The following NMD3 variants were observed in gnomAD, a reference collection of about 807,000 sequenced individuals.
NMD3 encodes the protein 60S ribosomal export protein NMD3.
In NMD3, 47 loss-of-function variants were observed where a neutral mutation model predicts 73.1. That is an observed-to-expected ratio of 0.64 (90% CI 0.51 to 0.82). NMD3 has a LOEUF of 0.82. Among genes scored for constraint, NMD3 ranks in the 40% least tolerant of loss-of-function variants. The probability of loss-of-function intolerance (pLI) is 0.00; values close to 1 mark genes in which losing one functional copy is unlikely to be tolerated. For synonymous variants in NMD3, 210 were observed against 194.5 expected (o/e 1.08, Z -0.66); for missense variants, 554 against 612.5 (o/e 0.90, Z 1.01).
intron 11 of NMD3, among the ~76,000 whole-genome samples, chr3:161,245,821 C>A (rs1249918819): frequency 6.6e-6 from 1 of 151,926 alleles, no homozygotes; most frequent in Non-Finnish European, 1.5e-5. Flanking sequence ...GTAGTCTACA[C>A]TAGTAGATAC....
chr3:161,250,691 G>A, intron 15 of NMD3, 89 bp from the exon 16 acceptor site: 1 of 753,206 alleles, frequency 1.3e-6, no homozygotes, highest in Non-Finnish European at 2.1e-6. Context: ...TAATGATAAG[G>A]TAGATATTTG....
chr3:161,245,633 C>G (rs763698135), intron 11 of NMD3, among the ~76,000 whole-genome samples: 1 of 151,532 alleles, frequency 6.6e-6, no homozygotes, highest in African/African-American at 2.4e-5. Flanking sequence ...ATTTATAACT[C>G]TTAGTATTTT....
In NMD3 at chr3:161,247,309, C is replaced by G. The variant is rs1393448543; in HGVS notation, c.1182C>G (p.Asn394Lys). 2 of 1,610,346 alleles carry G rather than the reference C, an allele frequency of 1.2e-6. No individual in the cohort carries two copies. The highest frequency in any genetic ancestry group is 3.3e-5 in the Admixed American group (2 of 59,966). The change falls in exon 13 of 16, where the codon AAC (asparagine) becomes AAG (lysine). Residue 394 changes from asparagine (N) to lysine (K), a missense_variant. Coordinates refer to ENST00000351193, the MANE Select transcript of NMD3 (RefSeq NM_015938.5). ...ATGATGAGCATGTCAACAAAATGAA[C>G]TCAGATAGAGTTCCAGATGTGGTAA... ...NLNDEHVNKMNSDRVPDVVLI... is the reference protein window; with the variant it reads ...NLNDEHVNKMKSDRVPDVVLI...
At chr3:161,240,526 ATTT>A (rs539406360) in intron 9 of NMD3, among the ~76,000 whole-genome samples, 2 of 111,728 alleles carry the variant, frequency 1.8e-5, no homozygotes, top group African/African-American at 3.8e-5. Flanking sequence ...TGGGCCCTGG[ATTT>A]TTTTTTTTTT....
At chr3:161,231,838 C>G (rs1201143951) in intron 4 of NMD3, among the ~76,000 whole-genome samples, 1 of 151,946 alleles carries the variant, frequency 6.6e-6, no homozygotes, top group Non-Finnish European at 1.5e-5. Flanking sequence ...TGTTGAGCTC[C>G]GGAGGGCACA....
At chr3:161,245,814 G>A (rs1399188294) in intron 11 of NMD3, among the ~76,000 whole-genome samples, 2 of 151,890 alleles carry the variant, frequency 1.3e-5, no homozygotes, top group Non-Finnish European at 2.9e-5. Context: ...AATGATTGTA[G>A]TCTACACTAG....
At chr3:161,235,957 T>C (rs1304563112) in intron 7 of NMD3, among the ~76,000 whole-genome samples, 1 of 152,136 alleles carries the variant, frequency 6.6e-6, no homozygotes, top group Non-Finnish European at 1.5e-5. Flanking sequence ...AAAAAACTAT[T>C]TTTAGTTTTA....
intron 4 of NMD3, among the ~76,000 whole-genome samples, chr3:161,229,130 A>G (rs1478407802): frequency 6.6e-6 from 1 of 152,238 alleles, no homozygotes; most frequent in Non-Finnish European, 1.5e-5. Context: ...GATAGAGTCC[A>G]GAAAAGTCAT....
chr3:161,248,592 T>A (rs549248188), intron 13 of NMD3, among the ~76,000 whole-genome samples: 1 of 152,332 alleles, frequency 6.6e-6, no homozygotes, highest in African/African-American at 2.4e-5. Flanking sequence ...ATTGTTCAGT[T>A]AAGAAGGCAT....
intron 2 of NMD3, among the ~76,000 whole-genome samples, chr3:161,223,664 A>C (rs757218837): frequency 6.6e-6 from 1 of 152,328 alleles, no homozygotes; most frequent in African/African-American, 2.4e-5. Flanking sequence ...CTGTTCACCT[A>C]AGCTATGGTC....
intron 5 of NMD3, among the ~76,000 whole-genome samples, chr3:161,233,799 A>G (rs1736633197): frequency 6.6e-6 from 1 of 152,166 alleles, no homozygotes; most frequent in Non-Finnish European, 1.5e-5. Flanking sequence ...AATTCTCTGT[A>G]TGTGAGGCCG....
intron 11 of NMD3, 116 bp downstream of exon 11, chr3:161,242,769 A>G: frequency 1.2e-6 from 1 of 819,042 alleles, no homozygotes; most frequent in South Asian, 3.0e-5. Flanking sequence ...CAAACTTAGC[A>G]CCACATTAGG....
chr3:161,230,117 G>T (rs1347985962), intron 4 of NMD3, among the ~76,000 whole-genome samples: 1 of 152,094 alleles, frequency 6.6e-6, no homozygotes, highest in Non-Finnish European at 1.5e-5. Flanking sequence ...TTATTTTTTG[G>T]AGATAAGGTC....
rs1312022708 is a variant in NMD3 at position 161,227,255 on chromosome 3, A to G, written c.188A>G (p.Gln63Arg). The G allele has an allele frequency of 2.5e-6, 4 of 1,600,924 alleles. No homozygotes were observed. The East Asian group carries it at 8.9e-5, about 36-fold the overall frequency. Residue 63 changes from glutamine (Q) to arginine (R), a missense_variant, in exon 4 of 16, where the codon CAA becomes CGA. Physicochemically the swap from Gln to Arg is conservative, Grantham distance 43. Transcript: ENST00000351193. ...GTTATCTTCTCTTTTAGGTATTTTC[A>G]ACCACCAGGAACTTGGATACAGTGT... ...SFCKQCQRYF[Q>R]PPGTWIQCAL... is the part of the protein sequence containing the mutation.
intron 13 of NMD3, among the ~76,000 whole-genome samples, chr3:161,247,574 G>C (rs943972783): frequency 6.6e-6 from 1 of 151,614 alleles, no homozygotes; most frequent in Non-Finnish European, 1.5e-5. Flanking sequence ...ATCACCTGAG[G>C]TTGGGAGTTC....
In NMD3 at chr3:161,252,184, G is replaced by C. The variant is rs1428837697; in HGVS notation, c.*1274G>C. ...GGCCTGGTAGGAATGGCTTGTCCTA[G>C]TTCTTCAAAGGTAAGATTGACCAAA... is the stretch of plus-strand genomic sequence containing the variant. On this transcript the variant is annotated 3_prime_UTR_variant, in exon 16 of 16. Transcript: ENST00000351193. 1.3e-5 allele frequency: 2 copies of C among 152,128 alleles called. No individual in the cohort carries two copies. The highest frequency in any genetic ancestry group is 4.2e-4 in the South Asian group (2 of 4,818). The allele number at this position is 152,128 out of a possible 1,614,324, so 9.4% of individuals were successfully genotyped here. A position where few individuals can be genotyped will look rare whatever the true frequency, so the allele number is the denominator to read the frequency against.
intron 13 of NMD3, 68 bp from the exon 14 acceptor site, chr3:161,249,386 T>G (rs1406387836): frequency 5.2e-6 from 5 of 956,022 alleles, no homozygotes; most frequent in African/African-American, 1.7e-5. Flanking sequence ...TTTTTTAGCT[T>G]TATTGAATTT....
chr3:161,238,546 T>G (rs1736855755), intron 8 of NMD3, among the ~76,000 whole-genome samples, 184 bp from the exon 9 acceptor site: 2 of 152,148 alleles, frequency 1.3e-5, no homozygotes, highest in Non-Finnish European at 2.9e-5. Context: ...TAGGTAGGGC[T>G]TAGTTAGAAT....
chr3:161,233,985 A>C (rs1338282393), intron 5 of NMD3, among the ~76,000 whole-genome samples: 1 of 152,094 alleles, frequency 6.6e-6, no homozygotes, highest in Admixed American at 6.5e-5. Flanking sequence ...TTAGAAACTC[A>C]AGAAGTTTCA....
Sources: allele counts gnomAD v4.1 joint callset (sites outside exome capture counted in the v4.1 genomes callset), GRCh38; gene constraint gnomAD v4.1.1; transcripts MANE v1.5; gene names NCBI Gene and HGNC (gene_info 2026-07-23, HGNC 2026-07-21).